PRDM16: variants seen among roughly 807,000 people sequenced by gnomAD.
PRDM16 encodes PR/SET domain 16, also known as histone-lysine N-methyltransferase PRDM16.
In PRDM16, 23 loss-of-function variants were observed where a neutral mutation model predicts 110.6. The ratio of observed to expected loss-of-function variants is 0.21; its 90% CI spans 0.15 to 0.29. The LOEUF is 0.29. Ranked by LOEUF, PRDM16 falls within the 10% of genes least tolerant of loss-of-function variation. The pLI is 1.00. For missense variants in PRDM16, 1,615 were observed against 1,794.3 expected (o/e 0.90, Z 1.81); for synonymous variants, 799 against 781.8 (o/e 1.02, Z -0.37).
intron 5 of PRDM16, 80 bp from the exon 6 acceptor site, chr1:3,402,711 G>A: frequency 7.7e-7 from 1 of 1,292,744 alleles, no homozygotes; most frequent in Non-Finnish European, 1.1e-6. Flanking sequence ...GTGGTGAGGG[G>A]GCCAGGTCTC....
At chr1:3,226,538 T>G (rs1639292318) in intron 2 of PRDM16, among the ~76,000 whole-genome samples, 1 of 152,224 alleles carries the variant, frequency 6.6e-6, no homozygotes, top group East Asian at 1.9e-4. Context: ...GGCGTCTGAT[T>G]AGGAAAAAAA....
At chr1:3,168,755 C>T (rs973720140) in intron 1 of PRDM16, among the ~76,000 whole-genome samples, 4 of 152,198 alleles carry the variant, frequency 2.6e-5, no homozygotes, top group East Asian at 1.9e-4. Flanking sequence ...CCGTGTTTCC[C>T]GGGCCACCTG....
At position 3,423,398 on chromosome 1, in the gene PRDM16, C is replaced by G. The variant is rs534690673; in HGVS notation, c.2940-2183C>G. On this transcript the variant is annotated intron_variant, in intron 12 of 16. Transcript: ENST00000270722. ...TGAAGCTTCCTGCCTTGGGGAGGCC[C>G]CTGCGGGTGTGTTGATGGCAGGTCA... Among the ~76,000 whole-genome samples, 20 of 152,260 alleles carry G rather than the reference C, an allele frequency of 1.3e-4. No homozygotes were observed. The Middle Eastern group carries it at 0.014, about 104-fold the overall frequency.
chr1:3,318,341 T>C (rs1176992818), intron 3 of PRDM16, among the ~76,000 whole-genome samples: 1 of 152,242 alleles, frequency 6.6e-6, no homozygotes, highest in Non-Finnish European at 1.5e-5. Context: ...GTTGTTTTTC[T>C]TTTTTAAGAA....
intron 1 of PRDM16, among the ~76,000 whole-genome samples, chr1:3,122,943 C>T (rs1188732853): frequency 1.3e-5 from 2 of 152,178 alleles, no homozygotes; most frequent in African/African-American, 4.8e-5. Context: ...GCACGGGAGC[C>T]CGAGGCCTGG....
intron 3 of PRDM16, among the ~76,000 whole-genome samples, chr1:3,347,410 C>T (rs1291161852): frequency 2.0e-5 from 3 of 152,250 alleles, no homozygotes; most frequent in Admixed American, 2.0e-4. Flanking sequence ...CACCCTGGGC[C>T]TGGCCCACGG....
At chr1:3,404,444 G>A (rs1643525203) in intron 6 of PRDM16, among the ~76,000 whole-genome samples, 1 of 152,270 alleles carries the variant, frequency 6.6e-6, no homozygotes, top group Non-Finnish European at 1.5e-5. Context: ...GGCACCCAGG[G>A]AGTGTGGGCC....
intron 1 of PRDM16, among the ~76,000 whole-genome samples, chr1:3,113,144 T>C (rs1183306480): frequency 4.6e-5 from 7 of 152,188 alleles, no homozygotes; most frequent in African/African-American, 1.7e-4. Flanking sequence ...ATCTGAGATA[T>C]TACTGGGCCA....
intron 3 of PRDM16, among the ~76,000 whole-genome samples, chr1:3,346,256 G>C (rs1003640379): frequency 6.6e-6 from 1 of 152,212 alleles, no homozygotes; most frequent in African/African-American, 2.4e-5. Flanking sequence ...GGTGAGCGAC[G>C]TACCCTTCCC....
chr1:3,349,949 CTCTT>C (rs1246109119), intron 3 of PRDM16, among the ~76,000 whole-genome samples: 3 of 149,246 alleles, frequency 2.0e-5, no homozygotes, highest in Non-Finnish European at 4.4e-5. Flanking sequence ...TGAAAGCAGC[CTCTT>C]CTGTGCCTAG....
Position 3,353,274 on chromosome 1 carries a change from C to T in PRDM16, c.439-31878C>T, listed in dbSNP as rs1642530313. On this transcript the variant is annotated intron_variant, in intron 3 of 16. Transcript: ENST00000270722. This position sits in a 1 kb window ranked among gnomAD's most constrained non-coding sequence, Gnocchi z 5.4. Reference sequence around the variant, plus strand: ...TTACGAGGGCTGGGCAGCTCCTAGGCATGGGCAGGCCCATTTCTCACCTGC... The same window carrying T: ...TTACGAGGGCTGGGCAGCTCCTAGGTATGGGCAGGCCCATTTCTCACCTGC... 6.6e-6 allele frequency among the ~76,000 whole-genome samples: 1 copy of T among 152,204 alleles called. No homozygotes were observed. Among genetic ancestry groups the T allele is most frequent in the Non-Finnish European group, 1.5e-5 (1 of 68,022 alleles).
chr1:3,370,559 C>T lies in PRDM16; in HGVS notation c.439-14593C>T, dbSNP rs529729247. Among the ~76,000 whole-genome samples the T allele has an allele frequency of 6.6e-6, 1 of 152,110 alleles. No homozygotes were observed. Among genetic ancestry groups the T allele is most frequent in the Non-Finnish European group, 1.5e-5 (1 of 68,028 alleles). ...CCACCAGAGGAGAGGAAGTGACCTG[C>T]GACGTGATAGCCATGGCCCAGTGCA... is the stretch of plus-strand genomic sequence containing the variant. On this transcript the variant is annotated intron_variant, in intron 3 of 16. Transcript: ENST00000270722. The surrounding 1 kb of genome is among the most constrained non-coding windows in gnomAD (Gnocchi z 4.8).
intron 1 of PRDM16, among the ~76,000 whole-genome samples, chr1:3,140,567 C>T (rs776888523): frequency 1.3e-5 from 2 of 152,234 alleles, no homozygotes; most frequent in Non-Finnish European, 2.9e-5. Flanking sequence ...CGTTGGCTCT[C>T]TAACTCAGGA....
intron 3 of PRDM16, among the ~76,000 whole-genome samples, chr1:3,303,403 A>C (rs1641247950): frequency 6.6e-6 from 1 of 151,148 alleles, no homozygotes. Context: ...TCAGTCTCCC[A>C]CTCCTTTTTA....
At chr1:3,116,608 C>T (rs1388385462) in intron 1 of PRDM16, among the ~76,000 whole-genome samples, 2 of 152,176 alleles carry the variant, frequency 1.3e-5, no homozygotes, top group Non-Finnish European at 2.9e-5. Context: ...AGAGGCTGCC[C>T]CAGGGGACCG....
intron 1 of PRDM16, among the ~76,000 whole-genome samples, chr1:3,165,641 A>C (rs1215049118): frequency 1.8e-5 from 2 of 113,154 alleles, no homozygotes; most frequent in African/African-American, 3.8e-5. Flanking sequence ...ACCTGGGCTC[A>C]GGGACAGGGA....
chr1:3,271,744 C>T (rs1260821146), intron 3 of PRDM16, among the ~76,000 whole-genome samples: 2 of 152,062 alleles, frequency 1.3e-5, no homozygotes, highest in African/African-American at 4.8e-5. Flanking sequence ...CCTCAGAGGC[C>T]AGAGATGATC....
At chr1:3,070,424 C>G (rs1641721679) in intron 1 of PRDM16, among the ~76,000 whole-genome samples, 2 of 147,968 alleles carry the variant, frequency 1.4e-5, no homozygotes, top group Admixed American at 1.3e-4. Context: ...AGCCGCGGCC[C>G]GGCCAGCGCG....
chr1:3,157,422 TAA>T lies in PRDM16; in HGVS notation c.38-28684_38-28683del, dbSNP rs34858929. On this transcript the variant is annotated intron_variant, in intron 1 of 16. Coordinates refer to ENST00000270722, the MANE Select transcript of PRDM16 (RefSeq NM_022114.4). The surrounding 1 kb of genome is among the most constrained non-coding windows in gnomAD (Gnocchi z 4.8). ...GCTCCCAGGCCTTTTGCGATCCCAT[TAA>T]AAAAAAAAAAAAAAAAAACACCTTT... Among the ~76,000 whole-genome samples, 13,511 of 122,002 alleles carry T rather than the reference TAA, an allele frequency of 0.11. 821 individuals carry two copies. The highest frequency in any genetic ancestry group is 0.16 in the Non-Finnish European group (9,335 of 59,344). 80.0% of individuals were successfully genotyped at this position (122,002 alleles called of 152,430 possible).
Sources: allele counts gnomAD v4.1 joint callset (sites outside exome capture counted in the v4.1 genomes callset), GRCh38; gene constraint gnomAD v4.1.1; non-coding constraint Gnocchi (gnomAD v3.1); transcripts MANE v1.5; gene names NCBI Gene and HGNC (gene_info 2026-07-23, HGNC 2026-07-21).